The following SNTB2 variants were observed in gnomAD, a reference collection of about 807,000 sequenced individuals.
The protein encoded by SNTB2 is syntrophin beta 2.
Under a neutral mutation model 46.2 loss-of-function variants are expected in SNTB2, and 34 were observed. The ratio of observed to expected loss-of-function variants is 0.74; its 90% CI spans 0.56 to 0.98. SNTB2 has a LOEUF of 0.98. Among genes scored for constraint, SNTB2 ranks in the 50% least tolerant of loss-of-function variants. SNTB2 has a pLI of 0.00. For missense variants in SNTB2, 603 were observed against 731.4 expected, an observed-to-expected ratio of 0.82 and a Z score of 2.02; for synonymous variants, 290 against 312.6, an observed-to-expected ratio of 0.93 and a Z score of 0.76.
chr16:69,282,876 A>G (rs2143156269), intron 4 of SNTB2, among the ~76,000 whole-genome samples: 1 of 152,306 alleles, frequency 6.6e-6, no homozygotes, highest in South Asian at 2.1e-4. Flanking sequence ...TTTTAATTTC[A>G]AATTTCAATT....
intron 5 of SNTB2, among the ~76,000 whole-genome samples, chr16:69,294,239 A>C (rs1965201904): frequency 6.6e-6 from 1 of 152,136 alleles, no homozygotes; most frequent in Non-Finnish European, 1.5e-5. Context: ...ACTTGTCTCA[A>C]ACTTGTGGCC....
At chr16:69,248,284 C>CT (rs1348869928) in intron 2 of SNTB2, among the ~76,000 whole-genome samples, 2 of 152,320 alleles carry the variant, frequency 1.3e-5, no homozygotes, top group South Asian at 2.1e-4. Context: ...GTTGAATCAT[C>CT]TAAGTGCAAC....
At chr16:69,199,686 A>T (rs1215785151) in intron 1 of SNTB2, among the ~76,000 whole-genome samples, 1 of 151,678 alleles carries the variant, frequency 6.6e-6, no homozygotes, top group Non-Finnish European at 1.5e-5. Context: ...GATTGCAGTT[A>T]ATTTTGTCAC....
At chr16:69,203,625 C>T (rs1964187375) in intron 1 of SNTB2, among the ~76,000 whole-genome samples, 1 of 152,064 alleles carries the variant, frequency 6.6e-6, no homozygotes, top group African/African-American at 2.4e-5. Context: ...CAGACTGAGC[C>T]ACTGTGTGTG....
At chr16:69,256,903 C>T (rs1272549988) in intron 2 of SNTB2, among the ~76,000 whole-genome samples, 1 of 152,204 alleles carries the variant, frequency 6.6e-6, no homozygotes, top group Admixed American at 6.5e-5. Context: ...GGCACAGTGG[C>T]TCACGCCTGT....
rs186817812 is a variant in SNTB2, at chr16:69,292,655, G to A, written c.1346-6935G>A. ...TTTAGTAGAGGCGGGGTTTCACCCT[G>A]TTGGCCAGGCTGGTCTTGAACGCCT... is the stretch of plus-strand genomic sequence containing the variant. On this transcript the variant is annotated intron_variant, in intron 5 of 6. Transcript: ENST00000336278. 2.9e-3 allele frequency among the ~76,000 whole-genome samples: 399 copies of A among 136,728 alleles called. 4 individuals are homozygous for A. Among genetic ancestry groups the A allele is most frequent in the Admixed American group, 4.7e-3 (62 of 13,130 alleles). 89.7% of individuals were successfully genotyped at this position (136,728 alleles called of 152,430 possible). A position where few individuals can be genotyped will look rare whatever the true frequency, so the allele number is the denominator to read the frequency against.
At chr16:69,237,933 C>T (rs904451279) in intron 1 of SNTB2, among the ~76,000 whole-genome samples, 2 of 152,120 alleles carry the variant, frequency 1.3e-5, no homozygotes, top group African/African-American at 4.8e-5. Context: ...ACTTGTGTTT[C>T]GTGGATCTTC....
At chr16:69,260,409 T>A in intron 3 of SNTB2, 149 bp downstream of exon 3, 2 of 702,906 alleles carry the variant, frequency 2.8e-6, no homozygotes, top group East Asian at 5.4e-5. Flanking sequence ...TTGTTTCACC[T>A]CCCTTTTTCT....
intron 3 of SNTB2, among the ~76,000 whole-genome samples, chr16:69,263,214 C>T (rs1490468542): frequency 2.6e-5 from 4 of 151,652 alleles, no homozygotes; most frequent in African/African-American, 9.7e-5. Flanking sequence ...CCAAGCAGTC[C>T]TCCCACTTCA....
chr16:69,306,220 T>A lies in SNTB2; in HGVS notation c.*5296T>A, dbSNP rs910982010. 1 of 152,156 alleles carries A rather than the reference T, an allele frequency of 6.6e-6. No homozygotes were observed. The highest frequency in any genetic ancestry group is 1.5e-5 in the Non-Finnish European group (1 of 68,020). The allele number at this position is 152,156 out of a possible 1,614,324, so 9.4% of individuals were successfully genotyped here. A position where few individuals can be genotyped will look rare whatever the true frequency, so the allele number is the denominator to read the frequency against. ...ACAATAAATAGGCACATAGAGGACA[T>A]CTGTTTTTGTTTTTGGTTTTGGTTT... On this transcript the variant is annotated 3_prime_UTR_variant, in exon 7 of 7. Transcript: ENST00000336278.
At chr16:69,228,464 C>T (rs1964478261) in intron 1 of SNTB2, among the ~76,000 whole-genome samples, 1 of 146,818 alleles carries the variant, frequency 6.8e-6, no homozygotes, top group Non-Finnish European at 1.5e-5. Context: ...TGAGATTATG[C>T]CACTGCACTC....
intron 1 of SNTB2, among the ~76,000 whole-genome samples, chr16:69,238,114 C>T (rs998517059): frequency 6.6e-6 from 1 of 152,150 alleles, no homozygotes; most frequent in South Asian, 2.1e-4. Flanking sequence ...CATCAGCAGA[C>T]TTCCTTGGCC....
intron 1 of SNTB2, among the ~76,000 whole-genome samples, chr16:69,240,342 A>C (rs1233692977): frequency 2.0e-5 from 3 of 152,198 alleles, no homozygotes; most frequent in Non-Finnish European, 4.4e-5. Flanking sequence ...ACTGCAGTCT[A>C]CTCAAACCCC....
intron 1 of SNTB2, among the ~76,000 whole-genome samples, chr16:69,214,988 C>T (rs1964332346): frequency 6.6e-6 from 1 of 151,780 alleles, no homozygotes; most frequent in African/African-American, 2.4e-5. Context: ...GGATTACAGG[C>T]ATGTGCCACC....
At chr16:69,189,985 T>A (rs1421703016) in intron 1 of SNTB2, among the ~76,000 whole-genome samples, 2 of 152,328 alleles carry the variant, frequency 1.3e-5, no homozygotes, top group East Asian at 3.9e-4. Context: ...TTTGTTCTTA[T>A]AAGTAGTGAG....
chr16:69,246,426 G>A (rs1473552266), intron 2 of SNTB2, among the ~76,000 whole-genome samples: 1 of 149,894 alleles, frequency 6.7e-6, no homozygotes, highest in African/African-American at 2.5e-5. Context: ...TGATTATGGT[G>A]GATAAGCTTT....
chr16:69,195,691 C>G (rs1964098954), intron 1 of SNTB2, among the ~76,000 whole-genome samples: 1 of 152,096 alleles, frequency 6.6e-6, no homozygotes, highest in Non-Finnish European at 1.5e-5. Context: ...AACTTAATAA[C>G]TAACCCCTGT....
At position 69,299,705 on chromosome 16, in the gene SNTB2, G is replaced by A; in HGVS notation, c.1461G>A (p.Arg487=). Reference sequence around the variant, plus strand: ...TATTGTACCGCTACCCCTTTGAAAGGCTGAAGATGTCTGCTGATGATGGCA... The same window carrying A: ...TATTGTACCGCTACCCCTTTGAAAGACTGAAGATGTCTGCTGATGATGGCA... The part of the protein sequence containing the change: ...SSILYRYPFE[R]LKMSADDGIR... Residue 487 remains arginine, a synonymous_variant, in exon 6 of 7, where the codon AGG becomes AGA. Coordinates refer to ENST00000336278, the MANE Select transcript of SNTB2 (RefSeq NM_006750.4). 2 of 1,614,110 alleles carry A rather than the reference G, an allele frequency of 1.2e-6. No individual in the cohort carries two copies. The highest frequency in any genetic ancestry group is 1.7e-6 in the Non-Finnish European group (2 of 1,180,006).
At chr16:69,279,424 G>A (rs1396773251) in intron 4 of SNTB2, among the ~76,000 whole-genome samples, 1 of 150,892 alleles carries the variant, frequency 6.6e-6, no homozygotes, top group Admixed American at 6.6e-5. Flanking sequence ...GGCTGTTGTG[G>A]TTAATGCTGT....
Sources: allele counts gnomAD v4.1 joint callset (sites outside exome capture counted in the v4.1 genomes callset), GRCh38; gene constraint gnomAD v4.1.1; transcripts MANE v1.5; gene names NCBI Gene and HGNC (gene_info 2026-07-23, HGNC 2026-07-21).